The following GRAMD1B variants were observed in gnomAD, a reference collection of about 807,000 sequenced individuals.
The protein encoded by GRAMD1B is GRAM domain containing 1B.
GRAMD1B carries 37 observed loss-of-function variants against 99.7 expected under a neutral mutation model. The ratio of observed to expected loss-of-function variants is 0.37; its 90% CI spans 0.29 to 0.49. GRAMD1B has a LOEUF of 0.49. Among genes scored for constraint, GRAMD1B ranks in the 20% least tolerant of loss-of-function variants. The pLI, the probability that GRAMD1B is intolerant of heterozygous loss-of-function variation, is 0.98. For synonymous variants in GRAMD1B, 427 were observed against 387.6 expected, an observed-to-expected ratio of 1.10 and a Z score of -1.19; for missense variants, 888 against 1,009.2, an observed-to-expected ratio of 0.88 and a Z score of 1.63.
chr11:123,364,468 C>T (rs984532450), intron 1 of GRAMD1B, among the ~76,000 whole-genome samples: 1 of 152,238 alleles, frequency 6.6e-6, no homozygotes, highest in South Asian at 2.1e-4. Flanking sequence ...AAGACAGAAG[C>T]CGCTATCCTT....
chr11:123,607,990 C>CGCCGTAT, intron 11 of GRAMD1B: 1 of 154,226 alleles, frequency 6.5e-6, no homozygotes, highest in South Asian at 2.0e-4. Flanking sequence ...GAAGGAAGCT[C>CGCCGTAT]CATTTTTGGA....
At chr11:123,474,196 A>T (rs1424534187) in intron 1 of GRAMD1B, among the ~76,000 whole-genome samples, 2 of 152,144 alleles carry the variant, frequency 1.3e-5, no homozygotes, top group East Asian at 3.8e-4. Flanking sequence ...TGCCCTAAAC[A>T]TGTTCTACAG....
At chr11:123,456,919 C>CAAAAAAA (rs546768047) in intron 1 of GRAMD1B, among the ~76,000 whole-genome samples, 5 of 81,774 alleles carry the variant, frequency 6.1e-5, no homozygotes, top group Non-Finnish European at 1.2e-4. Context: ...GACTCTGTCT[C>CAAAAAAA]AAAAAAAAAA....
At chr11:123,463,185 A>G (rs926285296) in intron 1 of GRAMD1B, among the ~76,000 whole-genome samples, 3 of 152,052 alleles carry the variant, frequency 2.0e-5, no homozygotes, top group Non-Finnish European at 2.9e-5. Flanking sequence ...CTAATTTTTT[A>G]TATTTTCAGT....
At chr11:123,578,867 G>C (rs924207056) in intron 3 of GRAMD1B, among the ~76,000 whole-genome samples, 1 of 152,186 alleles carries the variant, frequency 6.6e-6, no homozygotes, top group African/African-American at 2.4e-5. Flanking sequence ...GATGGCAGGA[G>C]GGCTGCGCTG....
At chr11:123,548,325 T>TATATATATATACACAC (rs1555067740) in intron 2 of GRAMD1B, among the ~76,000 whole-genome samples, 47 of 86,850 alleles carry the variant, frequency 5.4e-4, no homozygotes, top group African/African-American at 2.3e-3. Flanking sequence ...TATATATATA[T>TATATATATATACACAC]ACACACACAC....
chr11:123,456,185 A>AAACAG (rs1430542168), intron 1 of GRAMD1B, among the ~76,000 whole-genome samples: 1 of 152,072 alleles, frequency 6.6e-6, no homozygotes, highest in African/African-American at 2.4e-5. Flanking sequence ...AAACAAAACA[A>AAACAG]AACAAAAAAG....
chr11:123,610,497 CTGTT>C lies in GRAMD1B; in HGVS notation c.1919+162_1919+165del, dbSNP rs1436998635. On this transcript the variant is annotated intron_variant, in intron 14 of 19. Coordinates refer to ENST00000635736, the MANE Select transcript of GRAMD1B (RefSeq NM_001387025.1). This position sits in a 1 kb window ranked among gnomAD's most constrained non-coding sequence, Gnocchi z 4.1. The stretch of plus-strand genomic sequence containing the variant: ...AGCCTTATGAGGCTCACCCACCACT[CTGTT>C]TGAGTTAATTATTCTCTCCACTCTC... 2.0e-5 allele frequency among the ~76,000 whole-genome samples: 3 copies of C among 152,308 alleles called. No homozygotes were observed. In the South Asian group the frequency reaches 6.2e-4, roughly 32 times the overall value.
chr11:123,391,922 C>T (rs1947296739), intron 1 of GRAMD1B, among the ~76,000 whole-genome samples: 1 of 152,302 alleles, frequency 6.6e-6, no homozygotes, highest in South Asian at 2.1e-4. Flanking sequence ...GGAGCAAGTA[C>T]ATTTACAAAA....
At chr11:123,375,591 G>C (rs1379884800) in intron 1 of GRAMD1B, among the ~76,000 whole-genome samples, 2 of 152,194 alleles carry the variant, frequency 1.3e-5, no homozygotes, top group African/African-American at 4.8e-5. Context: ...CAATGTACTA[G>C]ATGCCAAGTA....
intron 1 of GRAMD1B, among the ~76,000 whole-genome samples, chr11:123,367,529 A>G (rs1480253924): frequency 6.6e-6 from 1 of 152,172 alleles, no homozygotes; most frequent in Non-Finnish European, 1.5e-5. Flanking sequence ...TAGCATGTGC[A>G]AAAACATGGA....
Position 123,538,314 on chromosome 11 carries a change from C to T in GRAMD1B, c.453-39053C>T, listed in dbSNP as rs553615896. On this transcript the variant is annotated intron_variant, in intron 2 of 19. Transcript: ENST00000635736. The stretch of plus-strand genomic sequence containing the variant: ...ACTCTGTTTCCTTAGACTCTTGCCA[C>T]CTTCCTAATTTATCACCTTCTAGTG... Among the ~76,000 whole-genome samples the T allele has an allele frequency of 5.3e-5, 8 of 152,252 alleles. No homozygotes were observed. In the South Asian group the frequency reaches 1.7e-3, roughly 32 times the overall value.
chr11:123,597,181 T>C (rs1274087470), intron 7 of GRAMD1B, among the ~76,000 whole-genome samples: 3 of 147,008 alleles, frequency 2.0e-5, no homozygotes, highest in African/African-American at 5.0e-5. Context: ...TAGGCTGGTC[T>C]CAAACTCCTA....
chr11:123,467,940 T>C (rs1950785101), intron 1 of GRAMD1B, among the ~76,000 whole-genome samples: 1 of 151,326 alleles, frequency 6.6e-6, no homozygotes, highest in South Asian at 2.1e-4. Context: ...CTGAGTTCAC[T>C]GCAACCTCTG....
intron 2 of GRAMD1B, among the ~76,000 whole-genome samples, chr11:123,495,552 C>T (rs973109811): frequency 2.0e-5 from 3 of 152,168 alleles, no homozygotes; most frequent in Admixed American, 1.3e-4. Flanking sequence ...CACTTCCCCC[C>T]ACTTTTCCAC....
intron 2 of GRAMD1B, among the ~76,000 whole-genome samples, chr11:123,563,232 G>C (rs1946979040): frequency 6.6e-6 from 1 of 152,184 alleles, no homozygotes; most frequent in South Asian, 2.1e-4. Flanking sequence ...GAAACAGTTT[G>C]AGCTTAAAAT....
intron 15 of GRAMD1B, chr11:123,613,115 CA>C: frequency 1.8e-6 from 1 of 558,902 alleles, no homozygotes; most frequent in Non-Finnish European, 3.2e-6. Context: ...CCCCTCACCC[CA>C]AAAGGAACCA....
intron 4 of GRAMD1B, among the ~76,000 whole-genome samples, chr11:123,589,704 C>T (rs373420967): frequency 1.3e-4 from 20 of 150,964 alleles, no homozygotes; most frequent in Non-Finnish European, 2.7e-4. Context: ...TAAAGTGATC[C>T]GTCCGAATTG....
Position 123,603,435 on chromosome 11 carries a change from C to A in GRAMD1B, c.1060C>A (p.Pro354Thr). ...QNALLEKPLCPKELWHFVHQC... is the reference protein window; with the variant it reads ...QNALLEKPLCTKELWHFVHQC... ...CTTTTCTCCCCTGAAGCCTCTGTGT[C>A]CCAAGGAGCTCTGGCACTTTGTTCA... is the stretch of plus-strand genomic sequence containing the variant. Residue 354 changes from proline (P) to threonine (T), a missense_variant, in exon 9 of 20, where the codon CCC (proline) becomes ACC (threonine). Physicochemically the swap from Pro to Thr is conservative, Grantham distance 38. Around this residue, in one of 5 missense-constraint regions of GRAMD1B, gnomAD observed 269 missense variants for 296.6 expected, o/e 0.91. Coordinates refer to ENST00000635736, the MANE Select transcript of GRAMD1B (RefSeq NM_001387025.1). The A allele has an allele frequency of 6.2e-7, 1 of 1,606,926 alleles. No individual in the cohort carries two copies. The highest frequency in any genetic ancestry group is 1.1e-5 in the South Asian group (1 of 90,944).
Sources: gnomAD v4.1 joint callset for allele counts (sites outside exome capture counted in the v4.1 genomes callset) on GRCh38, gnomAD v4.1.1 for gene constraint, gnomAD v4.1.1 regional missense constraint, Gnocchi (gnomAD v3.1) non-coding constraint, MANE v1.5 for transcripts, NCBI Gene and HGNC (gene_info 2026-07-23, HGNC 2026-07-21) for gene names.